Variants in PLEKHA5 observed in about 807,000 individuals in gnomAD.
PLEKHA5 encodes the protein pleckstrin homology domain containing A5, also known as pleckstrin homology domain-containing family A member 5.
PLEKHA5 carries 55 observed loss-of-function variants against 181.9 expected under a neutral mutation model. The observed-to-expected ratio is 0.30, with a 90% CI of 0.24 to 0.38. The LOEUF (loss-of-function observed/expected upper bound fraction) is 0.38. Ranked by LOEUF, PLEKHA5 falls within the 10% of genes least tolerant of loss-of-function variation. The pLI, the probability that PLEKHA5 is intolerant of heterozygous loss-of-function variation, is 1.00. For missense variants in PLEKHA5, 1,432 were observed against 1,549.5 expected, an observed-to-expected ratio of 0.92 and a Z score of 1.27; for synonymous variants, 535 against 529.4, an observed-to-expected ratio of 1.01 and a Z score of -0.15.
chr12:19,365,374 A>G (rs936970677), intron 29 of PLEKHA5, among the ~76,000 whole-genome samples: 2 of 152,104 alleles, frequency 1.3e-5, no homozygotes, highest in Non-Finnish European at 2.9e-5. Context: ...TCAAAAAAAA[A>G]AAAAAAAATC....
chr12:19,236,383 A>G (rs994408376), intron 3 of PLEKHA5, among the ~76,000 whole-genome samples: 1 of 152,156 alleles, frequency 6.6e-6, no homozygotes, highest in African/African-American at 2.4e-5. Context: ...TATAGAATCT[A>G]TCTTGTTGGG....
chr12:19,235,546 A>G (rs777897476), intron 3 of PLEKHA5, among the ~76,000 whole-genome samples: 26 of 152,168 alleles, frequency 1.7e-4, no homozygotes, highest in Non-Finnish European at 2.8e-4. Flanking sequence ...TTCTCATACA[A>G]TAATCAGAAA....
At chr12:19,275,922 C>T (rs1377363240) in intron 11 of PLEKHA5, among the ~76,000 whole-genome samples, 1 of 152,082 alleles carries the variant, frequency 6.6e-6, no homozygotes, top group African/African-American at 2.4e-5. Context: ...AGAGATAATT[C>T]TCTAGTAGAG....
At chr12:19,352,038 T>C (rs949709690) in intron 25 of PLEKHA5, among the ~76,000 whole-genome samples, 1 of 145,572 alleles carries the variant, frequency 6.9e-6, no homozygotes, top group Non-Finnish European at 1.5e-5. Flanking sequence ...ATCACGCCAT[T>C]GTACTCCAGC....
chr12:19,268,856 G>A (rs973189832), intron 8 of PLEKHA5, among the ~76,000 whole-genome samples: 2 of 152,012 alleles, frequency 1.3e-5, no homozygotes, highest in African/African-American at 4.8e-5. Flanking sequence ...TCTTAACATA[G>A]AACATTTGAG....
chr12:19,291,418 A>G (rs1225416205), intron 14 of PLEKHA5, among the ~76,000 whole-genome samples: 1 of 152,196 alleles, frequency 6.6e-6, no homozygotes, highest in Non-Finnish European at 1.5e-5. Flanking sequence ...TTAATAGTTC[A>G]TTGTTCATAT....
intron 3 of PLEKHA5, among the ~76,000 whole-genome samples, chr12:19,238,688 A>G (rs942035381): frequency 4.6e-5 from 7 of 152,198 alleles, no homozygotes; most frequent in Middle Eastern, 3.4e-3. Context: ...CATTTTAAAC[A>G]AAGATGTTTT....
chr12:19,362,024 G>T (rs982687018), intron 29 of PLEKHA5, among the ~76,000 whole-genome samples: 16 of 151,690 alleles, frequency 1.1e-4, no homozygotes, highest in African/African-American at 3.4e-4. Context: ...AAATTAGCCA[G>T]GCATGGTGGC....
intron 3 of PLEKHA5, among the ~76,000 whole-genome samples, chr12:19,186,960 A>AT (rs2050015416): frequency 6.6e-6 from 1 of 152,152 alleles, no homozygotes; most frequent in Non-Finnish European, 1.5e-5. Context: ...AATTACAAAG[A>AT]TGTGTGTCCT....
intron 31 of PLEKHA5, chr12:19,372,552 C>A (rs950672298): frequency 1.3e-5 from 2 of 151,844 alleles, no homozygotes; most frequent in African/African-American, 4.8e-5. Flanking sequence ...TAATCTGTGC[C>A]CTTTTTTTCA....
chr12:19,156,817 G>A (rs1425229539), intron 3 of PLEKHA5, among the ~76,000 whole-genome samples: 1 of 151,572 alleles, frequency 6.6e-6, no homozygotes, highest in East Asian at 1.9e-4. Flanking sequence ...GGCCAGGGCA[G>A]GTGGGTCACT....
chr12:19,175,669 G>T (rs1259749474), intron 3 of PLEKHA5, among the ~76,000 whole-genome samples: 1 of 152,112 alleles, frequency 6.6e-6, no homozygotes, highest in African/African-American at 2.4e-5. Flanking sequence ...AAATTTATAT[G>T]TGCACTATAC....
In PLEKHA5 at chr12:19,283,793, G is replaced by A. The variant is rs567372679; in HGVS notation, c.1779+48G>A. 39 of 1,187,040 alleles carry A rather than the reference G, an allele frequency of 3.3e-5. No individual in the cohort carries two copies. The South Asian group carries it at 5.0e-4, about 15-fold the overall frequency. 73.5% of individuals were successfully genotyped at this position (1,187,040 alleles called of 1,614,324 possible). ...GTTAACTCACTACCTTATAAATGCT[G>A]TGTTTTCTTTCTAGTATACTATTTT... On this transcript the variant is annotated intron_variant, in intron 12 of 31. Transcript: ENST00000429027.
chr12:19,292,642 G>C (rs898414433), intron 15 of PLEKHA5, among the ~76,000 whole-genome samples: 2 of 151,500 alleles, frequency 1.3e-5, no homozygotes, highest in Non-Finnish European at 2.9e-5. Flanking sequence ...ATGTTCAAAA[G>C]TGAAAATGGC....
At chr12:19,334,261 G>C (rs562177274) in intron 20 of PLEKHA5, among the ~76,000 whole-genome samples, 16 of 152,270 alleles carry the variant, frequency 1.1e-4, no homozygotes, top group African/African-American at 3.6e-4. Flanking sequence ...AAACAGGTAG[G>C]CCTAGCAGGA....
At chr12:19,213,928 C>CA (rs1405332566) in intron 3 of PLEKHA5, among the ~76,000 whole-genome samples, 1 of 151,700 alleles carries the variant, frequency 6.6e-6, no homozygotes, top group Non-Finnish European at 1.5e-5. Flanking sequence ...TGTTGAGAAG[C>CA]AAAAATTGGA....
chr12:19,361,504 T>G (rs1200980954), intron 28 of PLEKHA5, 78 bp from the exon 29 acceptor site: 1 of 788,696 alleles, frequency 1.3e-6, no homozygotes, highest in African/African-American at 1.8e-5. Context: ...ATAAACTTTA[T>G]TTTGGAATTA....
intron 31 of PLEKHA5, chr12:19,372,558 T>C (rs2095610333): frequency 6.6e-6 from 1 of 152,044 alleles, no homozygotes; most frequent in Non-Finnish European, 1.5e-5. Context: ...GTGCCCTTTT[T>C]TTCAGCCCAA....
At chr12:19,283,180 T>C (rs2076560825) in intron 11 of PLEKHA5, 100 bp from the exon 12 acceptor site, 2 of 532,626 alleles carry the variant, frequency 3.8e-6, no homozygotes, top group South Asian at 3.2e-5. Context: ...AAAATTCTAA[T>C]GTATATTTTA....
Sources: allele counts gnomAD v4.1 joint callset (sites outside exome capture counted in the v4.1 genomes callset), GRCh38; gene constraint gnomAD v4.1.1; transcripts MANE v1.5; gene names NCBI Gene and HGNC (gene_info 2026-07-23, HGNC 2026-07-21).